The following ST8SIA6 variants were observed in gnomAD, a reference collection of about 807,000 sequenced individuals.
ST8SIA6 encodes alpha-2,8-sialyltransferase 8F.
A neutral mutation model predicts 33.6 loss-of-function variants in ST8SIA6; 39 were observed. The observed-to-expected ratio is 1.16, with a 90% CI of 0.90 to 1.52. The LOEUF is 1.52. ST8SIA6 is among the 40% of genes most tolerant of loss of function. ST8SIA6 has a pLI of 0.00. For synonymous variants in ST8SIA6, 172 were observed against 167.2 expected (o/e 1.03, Z -0.22); for missense variants, 441 against 443.8 (o/e 0.99, Z 0.06).
At chr10:17,366,896 G>A (rs1026748168) in intron 3 of ST8SIA6, among the ~76,000 whole-genome samples, 3 of 152,042 alleles carry the variant, frequency 2.0e-5, no homozygotes, top group Admixed American at 6.6e-5. Flanking sequence ...AGAGAAAGAG[G>A]GTCCAACTAA....
chr10:17,355,391 A>G (rs1443192825), intron 4 of ST8SIA6, among the ~76,000 whole-genome samples: 1 of 152,190 alleles, frequency 6.6e-6, no homozygotes, highest in Non-Finnish European at 1.5e-5. Context: ...GAAGTCAACA[A>G]GTAACCAAGT....
At chr10:17,411,298 C>T (rs776652473) in intron 2 of ST8SIA6, among the ~76,000 whole-genome samples, 2 of 152,104 alleles carry the variant, frequency 1.3e-5, no homozygotes, top group Non-Finnish European at 2.9e-5. Context: ...ATTCTTCTGC[C>T]TCACCCTCCC....
chr10:17,323,597 C>A lies in ST8SIA6; in HGVS notation c.636-440G>T, dbSNP rs576003871. Among the ~76,000 whole-genome samples, 31 of 151,980 alleles carry A rather than the reference C, an allele frequency of 2.0e-4. 1 individual carries two copies. Among genetic ancestry groups the A allele is most frequent in the African/African-American group, 7.5e-4 (31 of 41,474 alleles). On this transcript the variant is annotated intron_variant, in intron 6 of 7. Transcript: ENST00000377602. ...ATAGGGTATCACCATGTTGGCCAGG[C>A]TTGTCTTGAACCCATGACCTCAAGT...
chr10:17,317,671 T>C lies in ST8SIA6; in HGVS notation c.*3207A>G, dbSNP rs932223373. Reference sequence around the variant, plus strand: ...CAAAGCTTCCTAATTCATGGAGTGATTTACGGTACTTGACATTACATAATA... The same window carrying C: ...CAAAGCTTCCTAATTCATGGAGTGACTTACGGTACTTGACATTACATAATA... On this transcript the variant is annotated 3_prime_UTR_variant, in exon 8 of 8. Coordinates refer to ENST00000377602, the MANE Select transcript of ST8SIA6 (RefSeq NM_001004470.3). Among the ~76,000 whole-genome samples the C allele has an allele frequency of 1.3e-5, 2 of 152,198 alleles. No individual in the cohort carries two copies. The highest frequency in any genetic ancestry group is 4.8e-5 in the African/African-American group (2 of 41,450).
intron 4 of ST8SIA6, among the ~76,000 whole-genome samples, chr10:17,341,900 C>CAAAA (rs71393004): frequency 0.036 from 2,639 of 72,898 alleles, 226 homozygotes; most frequent in African/African-American, 0.1. Flanking sequence ...GGCTCCATCT[C>CAAAA]AAAAAAAAAA....
chr10:17,365,420 A>C (rs575556198), intron 3 of ST8SIA6, among the ~76,000 whole-genome samples: 1 of 152,258 alleles, frequency 6.6e-6, no homozygotes, highest in South Asian at 2.1e-4. Context: ...AGTTCCAGCC[A>C]CCCATGGTGA....
At chr10:17,403,435 CAG>C (rs971348455) in intron 2 of ST8SIA6, 1 of 152,172 alleles carries the variant, frequency 6.6e-6, no homozygotes, top group Admixed American at 6.5e-5. Flanking sequence ...AGTGTAGAGT[CAG>C]TGTGGAATTC....
At chr10:17,340,894 G>T (rs1181419003) in intron 4 of ST8SIA6, among the ~76,000 whole-genome samples, 4 of 152,302 alleles carry the variant, frequency 2.6e-5, no homozygotes, top group African/African-American at 7.2e-5. Context: ...CACCCTAGCT[G>T]CCCAGCCTCC....
Position 17,321,342 on chromosome 10 carries a change from C to T in ST8SIA6, c.733G>A (p.Gly245Arg). ...INPSIITLKY[G>R]NLKEKKALFL... ...AGGGCTTTTTTTTCCTTTAAGTTCC[C>T]ATATCTGCCAAATTAAAAAAAAATT... Residue 245 changes from glycine to arginine, a missense_variant, in exon 8 of 8, where the codon GGG becomes AGG. Physicochemically the swap from Gly to Arg is moderately radical, Grantham distance 125. Coordinates refer to ENST00000377602, the MANE Select transcript of ST8SIA6 (RefSeq NM_001004470.3). The T allele has an allele frequency of 6.3e-7, 1 of 1,581,312 alleles. No homozygotes were observed. Among genetic ancestry groups the T allele is most frequent in the Non-Finnish European group, 8.5e-7 (1 of 1,170,862 alleles).
intron 3 of ST8SIA6, among the ~76,000 whole-genome samples, chr10:17,385,923 C>T (rs1850325977): frequency 6.6e-6 from 1 of 152,170 alleles, no homozygotes; most frequent in Non-Finnish European, 1.5e-5. Flanking sequence ...GTTCAAGTGC[C>T]TGTAAACACA....
chr10:17,343,886 A>ACATG (rs1424232701), intron 4 of ST8SIA6, among the ~76,000 whole-genome samples: 2 of 152,172 alleles, frequency 1.3e-5, no homozygotes, highest in Non-Finnish European at 2.9e-5. Context: ...AATAATAAAT[A>ACATG]CATGCATGGC....
intron 2 of ST8SIA6, among the ~76,000 whole-genome samples, chr10:17,424,616 T>C (rs1017968733): frequency 1.3e-5 from 2 of 152,240 alleles, no homozygotes; most frequent in African/African-American, 4.8e-5. Flanking sequence ...AGGTCTAATA[T>C]GAGATTTCTT....
At chr10:17,328,159 A>G (rs2131581440) in intron 5 of ST8SIA6, among the ~76,000 whole-genome samples, 1 of 152,322 alleles carries the variant, frequency 6.6e-6, no homozygotes, top group Non-Finnish European at 1.5e-5. Context: ...AGGAAGCAGC[A>G]TTAAATCTAT....
intron 2 of ST8SIA6, among the ~76,000 whole-genome samples, chr10:17,431,636 G>C (rs1182523608): frequency 6.6e-6 from 1 of 151,954 alleles, no homozygotes; most frequent in African/African-American, 2.4e-5. Context: ...ACAACCCTGC[G>C]GGAAGGCGTC....
rs536876019 is a variant in ST8SIA6 at position 17,319,403 on chromosome 10, A to G, written c.*1475T>C. 2.0e-5 allele frequency among the ~76,000 whole-genome samples: 3 copies of G among 152,284 alleles called. No homozygotes were observed. The highest frequency in any genetic ancestry group is 4.1e-4 in the South Asian group (2 of 4,820). On this transcript the variant is annotated 3_prime_UTR_variant, in exon 8 of 8. Transcript: ENST00000377602. ...ATTTTTGGCTAACGTGAATCTAGGT[A>G]GGATTGTTGTAAAATTTCACACGTG...
intron 4 of ST8SIA6, among the ~76,000 whole-genome samples, chr10:17,336,103 G>T (rs949729396): frequency 2.6e-5 from 4 of 151,864 alleles, no homozygotes; most frequent in Non-Finnish European, 5.9e-5. Context: ...CTACAGTCGT[G>T]CACCGACACG....
intron 7 of ST8SIA6, 45 bp from the exon 8 acceptor site, chr10:17,321,391 C>T: frequency 6.8e-7 from 1 of 1,467,698 alleles, no homozygotes; most frequent in South Asian, 1.3e-5. Context: ...GAATAATAAT[C>T]AAAGTAGCAG....
At chr10:17,360,046 T>C (rs1849330681) in intron 3 of ST8SIA6, among the ~76,000 whole-genome samples, 1 of 152,146 alleles carries the variant, frequency 6.6e-6, no homozygotes, top group Admixed American at 6.5e-5. Context: ...AGTTATAATT[T>C]TGAACTGTAC....
At chr10:17,431,141 CCT>C (rs1294642597) in intron 2 of ST8SIA6, among the ~76,000 whole-genome samples, 2 of 152,304 alleles carry the variant, frequency 1.3e-5, no homozygotes, top group Middle Eastern at 3.4e-3. Context: ...TTGCTCTCGT[CCT>C]TTTTTCTCTT....
Sources: gnomAD v4.1 joint callset for allele counts (sites outside exome capture counted in the v4.1 genomes callset) on GRCh38, gnomAD v4.1.1 for gene constraint, MANE v1.5 for transcripts, NCBI Gene and HGNC (gene_info 2026-07-23, HGNC 2026-07-21) for gene names.